The following CTNNA2 variants were observed in gnomAD, a reference collection of about 807,000 sequenced individuals.
CTNNA2 encodes the protein catenin alpha-2.
Under a neutral mutation model 101.0 loss-of-function variants are expected in CTNNA2, and 42 were observed. The ratio of observed to expected loss-of-function variants is 0.42; its 90% CI spans 0.32 to 0.54. The LOEUF (loss-of-function observed/expected upper bound fraction) is 0.54. Ranked by LOEUF, CTNNA2 falls within the 20% of genes least tolerant of loss-of-function variation. The pLI is 0.14. For synonymous variants in CTNNA2, 450 were observed against 456.4 expected, an observed-to-expected ratio of 0.99 and a Z score of 0.18; for missense variants, 871 against 1,223.1, an observed-to-expected ratio of 0.71 and a Z score of 4.29.
At chr2:79,313,718 G>A (rs955135373) in intron 3 of CTNNA2, among the ~76,000 whole-genome samples, 1 of 152,158 alleles carries the variant, frequency 6.6e-6, no homozygotes, top group Non-Finnish European at 1.5e-5. Context: ...ATGCAGGTCT[G>A]TCTTCTTCCT....
At chr2:80,427,490 A>G (rs1485650114) in intron 9 of CTNNA2, among the ~76,000 whole-genome samples, 2 of 152,176 alleles carry the variant, frequency 1.3e-5, no homozygotes, top group Admixed American at 1.3e-4. Context: ...ATCCTCAGCT[A>G]GTGGATGTGA....
At chr2:79,982,230 A>ATATATATATATATATATATATATG in intron 7 of CTNNA2, among the ~76,000 whole-genome samples, 1 of 96,446 alleles carries the variant, frequency 1.0e-5, no homozygotes, top group East Asian at 3.7e-4. Flanking sequence ...ATATATATAT[A>ATATATATATATATATATATATATG]TATATATATA....
At chr2:79,964,387 G>A (rs1219983238) in intron 7 of CTNNA2, among the ~76,000 whole-genome samples, 3 of 151,760 alleles carry the variant, frequency 2.0e-5, no homozygotes, top group African/African-American at 7.3e-5. Flanking sequence ...GAATGGGAGA[G>A]CCAACATTCA....
chr2:79,881,128 G>A lies in CTNNA2; in HGVS notation c.852+6786G>A, dbSNP rs573263524. Among the ~76,000 whole-genome samples, 71 of 152,300 alleles carry A rather than the reference G, an allele frequency of 4.7e-4. No individual in the cohort carries two copies. The Middle Eastern group carries it at 0.02, about 44-fold the overall frequency. ...TTTCCATGTGATTGCATGGTTTTGA[G>A]TGAGTTTCTTCATCCTAAGTTCTCA... On this transcript the variant is annotated intron_variant, in intron 6 of 18. Coordinates refer to ENST00000402739, the MANE Select transcript of CTNNA2 (RefSeq NM_001282597.3).
chr2:79,960,079 G>T (rs988516575), intron 7 of CTNNA2, among the ~76,000 whole-genome samples: 4 of 152,110 alleles, frequency 2.6e-5, no homozygotes, highest in Non-Finnish European at 5.9e-5. Context: ...ATGAGTAGAA[G>T]AACTTAATTT....
chr2:80,069,617 G>A (rs368828260), intron 7 of CTNNA2, among the ~76,000 whole-genome samples: 13 of 152,200 alleles, frequency 8.5e-5, no homozygotes, highest in African/African-American at 3.1e-4. Context: ...AATTAACAAT[G>A]CTTAAATATT....
At chr2:79,486,863 C>T (rs17712948) in intron 4 of CTNNA2, among the ~76,000 whole-genome samples, 28,454 of 152,096 alleles carry the variant, frequency 0.19, 2,827 homozygotes, top group Middle Eastern at 0.3. Context: ...GACTAACTTT[C>T]GTATTGCTGG....
chr2:80,425,191 CA>C (rs1300482191), intron 9 of CTNNA2, among the ~76,000 whole-genome samples: 1 of 152,188 alleles, frequency 6.6e-6, no homozygotes, highest in African/African-American at 2.4e-5. Context: ...TGCTTTCAAG[CA>C]AATTGCTTTT....
intron 12 of CTNNA2, among the ~76,000 whole-genome samples, chr2:80,572,361 C>T (rs2149698961): frequency 6.6e-6 from 1 of 152,192 alleles, no homozygotes; most frequent in East Asian, 1.9e-4. Flanking sequence ...TGGGATTAGT[C>T]TATTTATTTT....
chr2:80,573,041 G>A (rs1361546411), intron 12 of CTNNA2: 1 of 152,172 alleles, frequency 6.6e-6, no homozygotes, highest in East Asian at 1.9e-4. Context: ...GATTAAAATG[G>A]ATATTAAAGT....
intron 2 of CTNNA2, among the ~76,000 whole-genome samples, chr2:79,653,144 GA>G (rs1300676253): frequency 6.6e-6 from 1 of 152,248 alleles, no homozygotes; most frequent in East Asian, 1.9e-4. Context: ...ATCTACATGG[GA>G]AAATTCCATT....
rs557941075 is a variant in CTNNA2 at position 80,437,874 on chromosome 2, C to T, written c.1290+18273C>T. ...ATTAGCTGGGCATAGTGGTGGGTGC[C>T]TTAATCCCAGCTACTTGGGAGGCTG... On this transcript the variant is annotated intron_variant, in intron 9 of 18. Transcript: ENST00000402739. 3.9e-5 allele frequency among the ~76,000 whole-genome samples: 6 copies of T among 152,232 alleles called. No homozygotes were observed. The East Asian group carries it at 1.2e-3, about 29-fold the overall frequency.
intron 14 of CTNNA2, among the ~76,000 whole-genome samples, chr2:80,585,582 A>G (rs1695907866): frequency 6.6e-6 from 1 of 152,212 alleles, no homozygotes; most frequent in Admixed American, 6.5e-5. Context: ...AGTTTGAGGG[A>G]ATGAACAATT....
chr2:79,285,545 T>G (rs1675546147), intron 2 of CTNNA2, among the ~76,000 whole-genome samples: 1 of 137,152 alleles, frequency 7.3e-6, no homozygotes, highest in African/African-American at 2.8e-5. Context: ...TTGTTCAGTT[T>G]CCATGTAGTT....
chr2:79,470,077 A>G (rs1259388633), intron 4 of CTNNA2, among the ~76,000 whole-genome samples: 1 of 152,238 alleles, frequency 6.6e-6, no homozygotes, highest in African/African-American at 2.4e-5. Context: ...TTAGGAAAAG[A>G]GGAAGTCAAA....
At chr2:79,857,252 C>T (rs1368914930) in intron 3 of CTNNA2, among the ~76,000 whole-genome samples, 1 of 152,190 alleles carries the variant, frequency 6.6e-6, no homozygotes, top group African/African-American at 2.4e-5. Flanking sequence ...TGAGCAAATA[C>T]CTCTCCCCTC....
chr2:80,646,182 A>G (rs1381862172), intron 18 of CTNNA2, among the ~76,000 whole-genome samples: 1 of 152,152 alleles, frequency 6.6e-6, no homozygotes, highest in Non-Finnish European at 1.5e-5. Context: ...ACAGTCTCTC[A>G]GTTTAAACAC....
intron 7 of CTNNA2, among the ~76,000 whole-genome samples, chr2:80,126,642 T>C (rs564608037): frequency 1.9e-5 from 2 of 105,118 alleles, no homozygotes; most frequent in South Asian, 4.0e-4. Context: ...CTCCCTTCCT[T>C]CCTTCCTTCC....
intron 7 of CTNNA2, among the ~76,000 whole-genome samples, chr2:80,043,158 C>T (rs1470608658): frequency 2.0e-5 from 2 of 102,236 alleles, no homozygotes; most frequent in African/African-American, 7.8e-5. Flanking sequence ...TCCTTCCTTC[C>T]TTCCTTCCTT....
Sources: gnomAD v4.1 joint callset for allele counts (sites outside exome capture counted in the v4.1 genomes callset) on GRCh38, gnomAD v4.1.1 for gene constraint, MANE v1.5 for transcripts, NCBI Gene and HGNC (gene_info 2026-07-23, HGNC 2026-07-21) for gene names.